The following SPEF2 variants were observed in gnomAD, a reference collection of about 807,000 sequenced individuals.
SPEF2 encodes the protein sperm flagellar and cilia associated 2.
Under a neutral mutation model 224.6 loss-of-function variants are expected in SPEF2, and 187 were observed. The observed-to-expected ratio is 0.83, with a 90% CI of 0.74 to 0.94. The LOEUF (loss-of-function observed/expected upper bound fraction) is 0.94. Among genes scored for constraint, SPEF2 ranks in the 40% least tolerant of loss-of-function variants. The probability of loss-of-function intolerance (pLI) is 0.00; values close to 1 mark genes in which losing one functional copy is unlikely to be tolerated. For missense variants in SPEF2, 2,170 were observed against 2,135.6 expected (o/e 1.02, Z -0.32); for synonymous variants, 715 against 707.3 (o/e 1.01, Z -0.17).
chr5:35,704,384 G>A (rs994432902), intron 16 of SPEF2, among the ~76,000 whole-genome samples, 170 bp from the exon 17 acceptor site: 3 of 151,806 alleles, frequency 2.0e-5, no homozygotes, highest in South Asian at 4.1e-4. Flanking sequence ...GAAAACAATC[G>A]AATTCTTATC....
At chr5:35,687,415 T>C (rs1438909612) in intron 10 of SPEF2, among the ~76,000 whole-genome samples, 5 of 150,760 alleles carry the variant, frequency 3.3e-5, no homozygotes, top group Non-Finnish European at 7.4e-5. Context: ...TTTTAAAGTA[T>C]TTTTAATGGA....
intron 4 of SPEF2, among the ~76,000 whole-genome samples, chr5:35,644,985 C>T (rs1438250772): frequency 1.3e-5 from 2 of 152,200 alleles, no homozygotes; most frequent in African/African-American, 4.8e-5. Context: ...TCTTTGCTTG[C>T]TTACCTTTTC....
chr5:35,663,794 C>T (rs950424185), intron 8 of SPEF2, among the ~76,000 whole-genome samples: 1 of 152,100 alleles, frequency 6.6e-6, no homozygotes, highest in Non-Finnish European at 1.5e-5. Flanking sequence ...TACAATGCCC[C>T]AGGTTATAAG....
intron 4 of SPEF2, among the ~76,000 whole-genome samples, chr5:35,645,702 G>T (rs990064048): frequency 6.6e-6 from 1 of 152,056 alleles, no homozygotes; most frequent in Non-Finnish European, 1.5e-5. Flanking sequence ...CAGTCTCCAA[G>T]AATGTTGAGA....
chr5:35,655,659 A>T (rs2149440510), intron 7 of SPEF2, among the ~76,000 whole-genome samples: 1 of 152,322 alleles, frequency 6.6e-6, no homozygotes, highest in East Asian at 1.9e-4. Context: ...GGCAGTTTCC[A>T]GGAAAGGTGG....
intron 18 of SPEF2, among the ~76,000 whole-genome samples, chr5:35,707,067 T>C (rs1442764688): frequency 6.6e-6 from 1 of 152,226 alleles, no homozygotes; most frequent in Non-Finnish European, 1.5e-5. Flanking sequence ...ACTTAAGATT[T>C]ATATTTCAAA....
chr5:35,633,401 T>A, intron 2 of SPEF2, among the ~76,000 whole-genome samples: 1 of 152,136 alleles, frequency 6.6e-6, no homozygotes, highest in East Asian at 1.9e-4. Context: ...TATTATCAAG[T>A]AATACTTTTT....
chr5:35,665,438 A>AGAGG lies in SPEF2; in HGVS notation c.1168-1618_1168-1615dup, dbSNP rs1294414020. On this transcript the variant is annotated intron_variant, in intron 8 of 36. Coordinates refer to ENST00000356031, the MANE Select transcript of SPEF2 (RefSeq NM_024867.4). ...GCTGGATGAAGGGAGGGAGAGGAAC[A>AGAGG]GAGGGAGGGAGGGAGGGAGCGAGGA... Among the ~76,000 whole-genome samples, 4 of 141,342 alleles carry AGAGG rather than the reference A, an allele frequency of 2.8e-5. No homozygotes were observed. In the East Asian group the frequency reaches 7.5e-4, roughly 27 times the overall value. The allele number at this position is 141,342 out of a possible 152,430, so 92.7% of individuals were successfully genotyped here.
chr5:35,788,426 A>C, intron 30 of SPEF2: 1 of 702,638 alleles, frequency 1.4e-6, no homozygotes, highest in Non-Finnish European at 2.6e-6. Context: ...TCTAAGAGAG[A>C]AATTAGAAAA....
At position 35,814,450 on chromosome 5, in the gene SPEF2, A is replaced by G. The variant is rs1217509028; in HGVS notation, c.5380-14A>G. On this transcript the variant is annotated splice_polypyrimidine_tract_variant and intron_variant, in intron 36 of 36. Coordinates refer to ENST00000356031, the MANE Select transcript of SPEF2 (RefSeq NM_024867.4). ...ATTAGTATTTGTAACTTCTCTTTGA[A>G]TCTTTTGTCTTAGGATATTAAAATA... 4.6e-6 allele frequency: 7 copies of G among 1,513,830 alleles called. No individual in the cohort carries two copies. The highest frequency in any genetic ancestry group is 1.7e-4 in the Middle Eastern group (1 of 5,800). 93.8% of individuals were successfully genotyped at this position (1,513,830 alleles called of 1,614,324 possible). A position where few individuals can be genotyped will look rare whatever the true frequency, so the allele number is the denominator to read the frequency against.
At chr5:35,686,249 A>G (rs2149519867) in intron 10 of SPEF2, among the ~76,000 whole-genome samples, 1 of 152,256 alleles carries the variant, frequency 6.6e-6, no homozygotes, top group East Asian at 1.9e-4. Flanking sequence ...CGCTGAAACA[A>G]TATTTTGGGG....
At chr5:35,696,466 C>A (rs750409021) in intron 14 of SPEF2, among the ~76,000 whole-genome samples, 2 of 152,130 alleles carry the variant, frequency 1.3e-5, no homozygotes, top group Non-Finnish European at 2.9e-5. Context: ...AGGGGACTTA[C>A]AATTTTTACT....
At chr5:35,652,375 A>G (rs1748323104) in intron 6 of SPEF2, among the ~76,000 whole-genome samples, 1 of 152,172 alleles carries the variant, frequency 6.6e-6, no homozygotes, top group Non-Finnish European at 1.5e-5. Context: ...TTAAGTACAA[A>G]TATAATAAGA....
chr5:35,742,118 A>G (rs1335713163), intron 23 of SPEF2, among the ~76,000 whole-genome samples: 2 of 152,198 alleles, frequency 1.3e-5, no homozygotes, highest in African/African-American at 2.4e-5. Context: ...TCAATAGAAC[A>G]TGTTTTCTTT....
chr5:35,695,716 C>A lies in SPEF2; in HGVS notation c.1976-19C>A. 6.2e-7 allele frequency: 1 copy of A among 1,601,178 alleles called. No homozygotes were observed. Reference sequence around the variant, plus strand: ...TGTAAATACCAGAAATTTGTTCTTACCACTTTTCCTATTGCTAGGTGCTAA... The same window carrying A: ...TGTAAATACCAGAAATTTGTTCTTAACACTTTTCCTATTGCTAGGTGCTAA... On this transcript the variant is annotated intron_variant, in intron 13 of 36. Transcript: ENST00000356031.
intron 17 of SPEF2, among the ~76,000 whole-genome samples, chr5:35,705,279 C>A (rs1739522410): frequency 6.6e-6 from 1 of 151,984 alleles, no homozygotes; most frequent in South Asian, 2.1e-4. Flanking sequence ...TCTTCAATTT[C>A]TATCTCTGAG....
intron 29 of SPEF2, among the ~76,000 whole-genome samples, chr5:35,776,819 G>C (rs892393615): frequency 2.6e-5 from 4 of 152,202 alleles, no homozygotes; most frequent in Admixed American, 6.5e-5. Flanking sequence ...TTACCAGCTA[G>C]ACTGATTCTC....
intron 30 of SPEF2, 30 bp downstream of exon 30, chr5:35,779,376 A>C: frequency 6.5e-7 from 1 of 1,540,326 alleles, no homozygotes; most frequent in South Asian, 1.2e-5. Flanking sequence ...TGAAAAGAGC[A>C]CAAAAAAAGG....
At chr5:35,770,616 C>T (rs1238230919) in intron 26 of SPEF2, among the ~76,000 whole-genome samples, 1 of 151,844 alleles carries the variant, frequency 6.6e-6, no homozygotes, top group Non-Finnish European at 1.5e-5. Flanking sequence ...CAGTATTTGC[C>T]TTTCTGTGCC....
Sources: gnomAD v4.1 joint callset for allele counts (sites outside exome capture counted in the v4.1 genomes callset) on GRCh38, gnomAD v4.1.1 for gene constraint, MANE v1.5 for transcripts, NCBI Gene and HGNC (gene_info 2026-07-23, HGNC 2026-07-21) for gene names.